Variants in NFIX observed in about 807,000 individuals in gnomAD.
The protein encoded by NFIX is nuclear factor 1 X-type.
NFIX carries 2 observed loss-of-function variants against 53.3 expected under a neutral mutation model. The observed-to-expected ratio is 0.04, with a 90% CI of 0.02 to 0.12. The LOEUF (loss-of-function observed/expected upper bound fraction) is 0.12. Among genes scored for constraint, NFIX ranks in the 10% least tolerant of loss-of-function variants. The probability of loss-of-function intolerance (pLI) is 1.00; values close to 1 mark genes in which losing one functional copy is unlikely to be tolerated. For synonymous variants in NFIX, 244 were observed against 289.0 expected, an observed-to-expected ratio of 0.84 and a Z score of 1.58; for missense variants, 310 against 674.5, an observed-to-expected ratio of 0.46 and a Z score of 5.99.
chr19:13,034,574 C>T (rs1261384611), intron 2 of NFIX, among the ~76,000 whole-genome samples: 1 of 152,176 alleles, frequency 6.6e-6, no homozygotes, highest in East Asian at 1.9e-4. Flanking sequence ...CCTTGGGATT[C>T]CTGATCCTTG....
In NFIX at chr19:13,073,402, T is replaced by G; in HGVS notation, c.623-20T>G. On this transcript the variant is annotated intron_variant, in intron 3 of 10. Coordinates refer to ENST00000592199, the MANE Select transcript of NFIX (RefSeq NM_001365902.3). The surrounding 1 kb of genome is among the most constrained non-coding windows in gnomAD (Gnocchi z 4.5). ...CCCTTCTGGCCTTGTCTTGACTCAC[T>G]CATCCTTTCCCCTCTTCAGGGCACT... 3 of 1,609,734 alleles carry G rather than the reference T, an allele frequency of 1.9e-6. No individual in the cohort carries two copies. Among genetic ancestry groups the G allele is most frequent in the Non-Finnish European group, 2.6e-6 (3 of 1,175,954 alleles).
At position 13,067,804 on chromosome 19, in the gene NFIX, T is replaced by C. The variant is rs922873330; in HGVS notation, c.560-5243T>C. Among the ~76,000 whole-genome samples, 4 of 151,700 alleles carry C rather than the reference T, an allele frequency of 2.6e-5. No individual in the cohort carries two copies. Among genetic ancestry groups the C allele is most frequent in the African/African-American group, 9.7e-5 (4 of 41,232 alleles). On this transcript the variant is annotated intron_variant, in intron 2 of 10. Coordinates refer to ENST00000592199, the MANE Select transcript of NFIX (RefSeq NM_001365902.3). The surrounding 1 kb of genome is among the most constrained non-coding windows in gnomAD (Gnocchi z 4.2). Reference sequence around the variant, plus strand: ...CCCATCTGTAGGTGGAAAATATATATATATATATTAAAAACATGCATCCGG... The same window carrying C: ...CCCATCTGTAGGTGGAAAATATATACATATATATTAAAAACATGCATCCGG...
intron 1 of NFIX, among the ~76,000 whole-genome samples, chr19:13,004,996 T>G (rs973024957): frequency 6.6e-6 from 1 of 152,144 alleles, no homozygotes; most frequent in African/African-American, 2.4e-5. Context: ...TTTGTATTTT[T>G]AGTAGAGACA....
At chr19:13,063,383 C>T (rs1260307325) in intron 2 of NFIX, among the ~76,000 whole-genome samples, 1 of 152,156 alleles carries the variant, frequency 6.6e-6, no homozygotes, top group Non-Finnish European at 1.5e-5. Flanking sequence ...CCTCACTCTG[C>T]TGAGTGCCCA....
At chr19:13,034,626 T>C (rs1341629732) in intron 2 of NFIX, among the ~76,000 whole-genome samples, 1 of 152,176 alleles carries the variant, frequency 6.6e-6, no homozygotes, top group African/African-American at 2.4e-5. Context: ...TGGAATCAGT[T>C]TGAAATAAAA....
chr19:12,995,808 G>A lies in NFIX; in HGVS notation c.-30G>A. ...GCCGGGCCTCCCCTCGCCGCGGCCGGCCGCCGCGCTCCCGCCCGGGCGCCC... is the reference window on the plus strand; with the variant it reads ...GCCGGGCCTCCCCTCGCCGCGGCCGACCGCCGCGCTCCCGCCCGGGCGCCC... On this transcript the variant is annotated 5_prime_UTR_variant, in exon 1 of 11. Transcript: ENST00000592199. 1 of 987,004 alleles carries A rather than the reference G, an allele frequency of 1.0e-6. No homozygotes were observed. The highest frequency in any genetic ancestry group is 1.2e-6 in the Non-Finnish European group (1 of 832,308). The allele number at this position is 987,004 out of a possible 1,614,324, so 61.1% of individuals were successfully genotyped here. A position where few individuals can be genotyped will look rare whatever the true frequency, so the allele number is the denominator to read the frequency against.
chr19:13,087,005 G>A (rs1568330447), intron 8 of NFIX, among the ~76,000 whole-genome samples: 1 of 152,208 alleles, frequency 6.6e-6, no homozygotes, highest in Non-Finnish European at 1.5e-5. Context: ...AGAGGTGCTG[G>A]TTTAGGATGA....
Position 13,072,362 on chromosome 19 carries a change from C to T in NFIX, c.560-685C>T, listed in dbSNP as rs1310249303. Among the ~76,000 whole-genome samples the T allele has an allele frequency of 1.3e-5, 2 of 152,260 alleles. No individual in the cohort carries two copies. The highest frequency in any genetic ancestry group is 6.5e-5 in the Admixed American group (1 of 15,288). On this transcript the variant is annotated intron_variant, in intron 2 of 10. Coordinates refer to ENST00000592199, the MANE Select transcript of NFIX (RefSeq NM_001365902.3). This position sits in a 1 kb window ranked among gnomAD's most constrained non-coding sequence, Gnocchi z 4.0. ...CCTCTGAGCAGCTGTGGCACCGGGG[C>T]ATGAGACAGCCCAGACAGGCTGGCA...
intron 5 of NFIX, among the ~76,000 whole-genome samples, chr19:13,075,068 T>TAAAAAAAAAAAAAA (rs57860606): frequency 1.4e-5 from 1 of 73,702 alleles, no homozygotes; most frequent in Non-Finnish European, 2.3e-5. Flanking sequence ...AGACTCCATC[T>TAAAAAAAAAAAAAA]AAAAAAAAAA....
rs1366883726 is a variant in NFIX at position 13,049,343 on chromosome 19, A to G, written c.560-23704A>G. On this transcript the variant is annotated intron_variant, in intron 2 of 10. Coordinates refer to ENST00000592199, the MANE Select transcript of NFIX (RefSeq NM_001365902.3). The surrounding 1 kb of genome is among the most constrained non-coding windows in gnomAD (Gnocchi z 4.5). ...ACCTTCACAATGTTGTGTAACCATC[A>G]CCACCATCTAATTCCAGAACAATTC... Among the ~76,000 whole-genome samples the G allele has an allele frequency of 1.3e-5, 2 of 152,212 alleles. No homozygotes were observed. Among genetic ancestry groups the G allele is most frequent in the African/African-American group, 2.4e-5 (1 of 41,454 alleles).
rs62109895 is a variant in NFIX at position 13,005,707 on chromosome 19, T to C, written c.27+9843T>C. On this transcript the variant is annotated intron_variant, in intron 1 of 10. Coordinates refer to ENST00000592199, the MANE Select transcript of NFIX (RefSeq NM_001365902.3). The surrounding 1 kb of genome is among the most constrained non-coding windows in gnomAD (Gnocchi z 4.7). The stretch of plus-strand genomic sequence containing the variant: ...GATGGGACAAAATTGCAGCTTGTTC[T>C]CTGGCCTTTCCCAAATTTCAAAATG... Among the ~76,000 whole-genome samples, 52,662 of 152,084 alleles carry C rather than the reference T, an allele frequency of 0.35. 10,023 individuals carry two copies. Among genetic ancestry groups the C allele is most frequent in the East Asian group, 0.65 (3,358 of 5,166 alleles).
Position 12,998,885 on chromosome 19 carries a change from A to G in NFIX, c.27+3021A>G, listed in dbSNP as rs756708252. Among the ~76,000 whole-genome samples the G allele has an allele frequency of 1.3e-5, 2 of 152,192 alleles. No homozygotes were observed. Among genetic ancestry groups the G allele is most frequent in the Non-Finnish European group, 2.9e-5 (2 of 68,040 alleles). ...ACCTCTTTGACGCACGTATGGACAC[A>G]GGAAACTGTGGACTTGTGTTCACAA... On this transcript the variant is annotated intron_variant, in intron 1 of 10. Transcript: ENST00000592199. The surrounding 1 kb of genome is among the most constrained non-coding windows in gnomAD (Gnocchi z 4.4).
At position 13,088,915 on chromosome 19, in the gene NFIX, C is replaced by A. The variant is rs755535785; in HGVS notation, c.1402+779C>A. Among the ~76,000 whole-genome samples, 2 of 151,166 alleles carry A rather than the reference C, an allele frequency of 1.3e-5. No homozygotes were observed. The highest frequency in any genetic ancestry group is 2.9e-5 in the Non-Finnish European group (2 of 67,864). On this transcript the variant is annotated intron_variant, in intron 9 of 10. Transcript: ENST00000592199. The surrounding 1 kb of genome is among the most constrained non-coding windows in gnomAD (Gnocchi z 5.9). ...CAAAGGGAAAAGAAGAAAAATCATTCGAGAGGTCCCAGGTAGACCCGGCGT... is the reference window on the plus strand; with the variant it reads ...CAAAGGGAAAAGAAGAAAAATCATTAGAGAGGTCCCAGGTAGACCCGGCGT...
In NFIX at chr19:13,043,946, C is replaced by T. The variant is rs922061548; in HGVS notation, c.559+18394C>T. ...TCGAGCCTGGGCCACGTAGCAAGACCCCCATCTCTATAAAATAAAATTTAA... is the reference window on the plus strand; with the variant it reads ...TCGAGCCTGGGCCACGTAGCAAGACTCCCATCTCTATAAAATAAAATTTAA... On this transcript the variant is annotated intron_variant, in intron 2 of 10. Transcript: ENST00000592199. The surrounding 1 kb of genome is among the most constrained non-coding windows in gnomAD (Gnocchi z 4.0). Among the ~76,000 whole-genome samples, 28 of 152,060 alleles carry T rather than the reference C, an allele frequency of 1.8e-4. No homozygotes were observed. The highest frequency in any genetic ancestry group is 6.5e-4 in the African/African-American group (27 of 41,368).
intron 2 of NFIX, chr19:13,070,804 T>C (rs1159426594): frequency 6.6e-6 from 1 of 152,284 alleles, no homozygotes; most frequent in African/African-American, 2.4e-5. Context: ...TTTGGGGCTG[T>C]GTCCTGATTT....
At position 13,072,765 on chromosome 19, in the gene NFIX, G is replaced by C. The variant is rs2016843061; in HGVS notation, c.560-282G>C. Among the ~76,000 whole-genome samples, 1 of 152,180 alleles carries C rather than the reference G, an allele frequency of 6.6e-6. No homozygotes were observed. The highest frequency in any genetic ancestry group is 1.5e-5 in the Non-Finnish European group (1 of 68,032). ...GGGTGGAGGCCAGGGATGCTGCTCA[G>C]ATACCCCACAGTGCACAGGATGGTC... On this transcript the variant is annotated intron_variant, in intron 2 of 10. Transcript: ENST00000592199. The surrounding 1 kb of genome is among the most constrained non-coding windows in gnomAD (Gnocchi z 4.0).
rs929788544 is a variant in NFIX at position 13,009,888 on chromosome 19, C to T, written c.27+14024C>T. ...TCCTTTGGGGGATTTGGTGGTAGAACGGGGCCGGGGGTCTTCAAAGGCAGA... is the reference window on the plus strand; with the variant it reads ...TCCTTTGGGGGATTTGGTGGTAGAATGGGGCCGGGGGTCTTCAAAGGCAGA... On this transcript the variant is annotated intron_variant, in intron 1 of 10. Coordinates refer to ENST00000592199, the MANE Select transcript of NFIX (RefSeq NM_001365902.3). The surrounding 1 kb of genome is among the most constrained non-coding windows in gnomAD (Gnocchi z 4.7). Among the ~76,000 whole-genome samples the T allele has an allele frequency of 2.0e-5, 3 of 152,144 alleles. No individual in the cohort carries two copies. The highest frequency in any genetic ancestry group is 2.1e-4 in the South Asian group (1 of 4,834).
In NFIX at chr19:13,068,117, A is replaced by G. The variant is rs2016542744; in HGVS notation, c.560-4930A>G. On this transcript the variant is annotated intron_variant, in intron 2 of 10. Transcript: ENST00000592199. This position sits in a 1 kb window ranked among gnomAD's most constrained non-coding sequence, Gnocchi z 4.2. ...AAGACTCCATCTCAAAAAAAAAACA[A>G]AAACAAAAACAAAAAACAAAAACAT... 1.3e-5 allele frequency among the ~76,000 whole-genome samples: 2 copies of G among 151,970 alleles called. No individual in the cohort carries two copies. The highest frequency in any genetic ancestry group is 2.9e-5 in the Non-Finnish European group (2 of 67,992).
At position 13,073,946 on chromosome 19, in the gene NFIX, G is replaced by A. The variant is rs780269313; in HGVS notation, c.738G>A (p.Ala246=). 2.1e-5 allele frequency: 34 copies of A among 1,613,918 alleles called. No individual in the cohort carries two copies. The highest frequency in any genetic ancestry group is 2.5e-5 in the Non-Finnish European group (29 of 1,179,862). Residue 246 remains alanine, a synonymous_variant, in exon 5 of 11, where the codon GCG becomes GCA. Coordinates refer to ENST00000592199, the MANE Select transcript of NFIX (RefSeq NM_001365902.3). This position sits in a 1 kb window ranked among gnomAD's most constrained non-coding sequence, Gnocchi z 4.5. ...CATCAGGGCCCAACTTCTCCCTGGC[G>A]GACCTGGAGAGTCCCAGCTACTACA... is the stretch of plus-strand genomic sequence containing the variant. ...ATASGPNFSL[A]DLESPSYYNI...
Sources: gnomAD v4.1 joint callset for allele counts (sites outside exome capture counted in the v4.1 genomes callset) on GRCh38, gnomAD v4.1.1 for gene constraint, Gnocchi (gnomAD v3.1) non-coding constraint, MANE v1.5 for transcripts, NCBI Gene and HGNC (gene_info 2026-07-23, HGNC 2026-07-21) for gene names.